Variants in GRM4 observed in about 807,000 individuals in gnomAD.
GRM4 encodes metabotropic glutamate receptor 4.
In GRM4, 28 loss-of-function variants were observed where a neutral mutation model predicts 81.7. That is an observed-to-expected ratio of 0.34 (90% CI 0.25 to 0.47). The LOEUF (loss-of-function observed/expected upper bound fraction) is 0.47. GRM4 is among the 20% of genes least tolerant of loss of function. The pLI, the probability that GRM4 is intolerant of heterozygous loss-of-function variation, is 1.00. For missense variants in GRM4, 948 were observed against 1,290.0 expected (o/e 0.73, Z 4.06); for synonymous variants, 488 against 528.8 (o/e 0.92, Z 1.06).
chr6:34,111,128 C>T lies in GRM4; in HGVS notation c.520-19029G>A. On this transcript the variant is annotated intron_variant, in intron 2 of 10. Coordinates refer to ENST00000538487, the MANE Select transcript of GRM4 (RefSeq NM_000841.4). The surrounding 1 kb of genome is among the most constrained non-coding windows in gnomAD (Gnocchi z 5.1). ...CACAGGCCACATACACACACACACA[C>T]ACACACACACACACACACACACACA... The T allele has an allele frequency of 6.2e-6, 1 of 161,630 alleles. No individual in the cohort carries two copies. The highest frequency in any genetic ancestry group is 1.8e-4 in the South Asian group (1 of 5,526). 10.0% of individuals were successfully genotyped at this position (161,630 alleles called of 1,614,324 possible).
In GRM4 at chr6:34,059,303, A is replaced by G. The variant is rs1581632380; in HGVS notation, c.873-175T>C. ...TGGATTCCCCCTACCCGCTGCCCTC[A>G]CCTGCTCATAGACCCATGGCTACCG... On this transcript the variant is annotated intron_variant, in intron 4 of 10. Transcript: ENST00000538487. This position sits in a 1 kb window ranked among gnomAD's most constrained non-coding sequence, Gnocchi z 5.7. The G allele has an allele frequency of 7.8e-6, 5 of 640,044 alleles. No individual in the cohort carries two copies. The South Asian group carries it at 9.3e-5, about 12-fold the overall frequency. 39.6% of individuals were successfully genotyped at this position (640,044 alleles called of 1,614,324 possible).
At chr6:34,103,402 GGA>G (rs1275762337) in intron 2 of GRM4, among the ~76,000 whole-genome samples, 2 of 152,222 alleles carry the variant, frequency 1.3e-5, no homozygotes, top group African/African-American at 4.8e-5. Context: ...GGTACGGAGG[GGA>G]GAGCCTCGGC....
chr6:34,101,562 CCAT>C (rs1376303628), intron 2 of GRM4, among the ~76,000 whole-genome samples: 20 of 152,340 alleles, frequency 1.3e-4, no homozygotes, highest in African/African-American at 4.8e-4. Flanking sequence ...AAGGCCGCCC[CCAT>C]CCTGTGGGGC....
intron 3 of GRM4, among the ~76,000 whole-genome samples, chr6:34,073,320 ACC>A (rs1767119342): frequency 6.4e-5 from 9 of 139,620 alleles, no homozygotes; most frequent in East Asian, 2.4e-4. Context: ...ACAGATACAC[ACC>A]ACACACACAC....
chr6:34,059,024 T>A lies in GRM4; in HGVS notation c.977A>T (p.Glu326Val), dbSNP rs1561780862. 3 of 1,613,600 alleles carry A rather than the reference T, an allele frequency of 1.9e-6. No individual in the cohort carries two copies. The highest frequency in any genetic ancestry group is 2.5e-6 in the Non-Finnish European group (3 of 1,179,828). Residue 326 changes from glutamate (E) to valine (V), a missense_variant, in exon 5 of 11, where the codon GAG becomes GTG. Coordinates refer to ENST00000538487, the MANE Select transcript of GRM4 (RefSeq NM_000841.4). The surrounding 1 kb of genome is among the most constrained non-coding windows in gnomAD (Gnocchi z 5.7). ...SKIAPVLHLE[E>V]VAEGAVTILP... ...GATCGTGACAGCACCCTCAGCCACC[T>A]CCTCCAGGTGCAGCACAGGTGCAAT...
intron 6 of GRM4, among the ~76,000 whole-genome samples, chr6:34,051,660 G>A (rs2127455678): frequency 6.6e-6 from 1 of 152,278 alleles, no homozygotes; most frequent in Non-Finnish European, 1.5e-5. Context: ...GGAGGAGGCA[G>A]GCGCTATCTT....
intron 3 of GRM4, among the ~76,000 whole-genome samples, chr6:34,073,814 G>A (rs564651806): frequency 1.6e-4 from 24 of 152,270 alleles, no homozygotes; most frequent in African/African-American, 5.1e-4. Flanking sequence ...CGAGGCCCTA[G>A]CATGCACCAG....
chr6:34,076,534 T>C (rs1412048072), intron 3 of GRM4, among the ~76,000 whole-genome samples: 1 of 152,216 alleles, frequency 6.6e-6, no homozygotes, highest in African/African-American at 2.4e-5. Context: ...AAAATGGGGC[T>C]GCTGGCCCAC....
intron 1 of GRM4, among the ~76,000 whole-genome samples, chr6:34,145,523 C>T (rs924132124): frequency 3.3e-5 from 5 of 152,170 alleles, no homozygotes; most frequent in African/African-American, 4.8e-5. Flanking sequence ...GGGCGCCTGG[C>T]GGCGCCGCAA....
chr6:34,146,479 AG>A (rs1770935043), upstream of GRM4, among the ~76,000 whole-genome samples: 1 of 152,156 alleles, frequency 6.6e-6, no homozygotes, highest in Non-Finnish European at 1.5e-5. Context: ...CCCTTCCCAG[AG>A]GGGGCTTGAA....
chr6:34,134,043 T>C (rs775701023), intron 1 of GRM4, among the ~76,000 whole-genome samples, 184 bp from the exon 2 acceptor site: 1 of 152,112 alleles, frequency 6.6e-6, no homozygotes, highest in Non-Finnish European at 1.5e-5. Flanking sequence ...TGGGAGAGTG[T>C]ATGGCAGAAA....
Position 34,107,445 on chromosome 6 carries a change from A to G in GRM4, c.520-15346T>C, listed in dbSNP as rs140162268. On this transcript the variant is annotated intron_variant, in intron 2 of 10. Coordinates refer to ENST00000538487, the MANE Select transcript of GRM4 (RefSeq NM_000841.4). ...GCCGTATGCTCGTATTGCTGAGTCC[A>G]GAAGGAGAGCTGGCCTCTCACCGGA... is the stretch of plus-strand genomic sequence containing the variant. 1.0e-3 allele frequency among the ~76,000 whole-genome samples: 154 copies of G among 152,036 alleles called. 1 individual carries two copies. Among genetic ancestry groups the G allele is most frequent in the East Asian group, 9.6e-3 (49 of 5,130 alleles).
chr6:34,053,185 CAG>C (rs1168337664), intron 6 of GRM4, among the ~76,000 whole-genome samples: 3 of 152,216 alleles, frequency 2.0e-5, no homozygotes, highest in African/African-American at 7.2e-5. Context: ...AGCTGAGACT[CAG>C]AGAAGTTAGA....
rs754018058 is a variant in GRM4, at chr6:34,040,322, G to A, written c.1370-8C>T. The A allele has an allele frequency of 6.2e-6, 10 of 1,613,478 alleles. No homozygotes were observed. In the Middle Eastern group the frequency reaches 6.6e-4, roughly 107 times the overall value. ...CAGGGTTCCCTGCGATGCCTGTAAG[G>A]GTGGGCGGGTGTCTTTGCAGAGCCT... On this transcript the variant is annotated splice_region_variant and splice_polypyrimidine_tract_variant and intron_variant, in intron 7 of 10. Coordinates refer to ENST00000538487, the MANE Select transcript of GRM4 (RefSeq NM_000841.4).
Position 34,069,220 on chromosome 6 carries a change from CTCCT to C in GRM4, c.737-7196_737-7193del, listed in dbSNP as rs1401590618. The stretch of plus-strand genomic sequence containing the variant: ...CACACACACACGCACGCACACACGG[CTCCT>C]TCCTTCTGACTTCCAAAGCCAGGCC... On this transcript the variant is annotated intron_variant, in intron 3 of 10. Coordinates refer to ENST00000538487, the MANE Select transcript of GRM4 (RefSeq NM_000841.4). The surrounding 1 kb of genome is among the most constrained non-coding windows in gnomAD (Gnocchi z 6.4). Among the ~76,000 whole-genome samples, 57 of 150,196 alleles carry C rather than the reference CTCCT, an allele frequency of 3.8e-4. No individual in the cohort carries two copies. The highest frequency in any genetic ancestry group is 5.0e-4 in the Non-Finnish European group (34 of 67,618).
At chr6:34,132,903 G>A (rs964776038) in intron 2 of GRM4, 75 bp downstream of exon 2, 2 of 1,281,748 alleles carry the variant, frequency 1.6e-6, no homozygotes, top group East Asian at 2.3e-5. Flanking sequence ...GGTCGGCCAG[G>A]CCTGGCACCC....
At chr6:34,058,471 G>T (rs1230652199) in intron 5 of GRM4, among the ~76,000 whole-genome samples, 1 of 152,154 alleles carries the variant, frequency 6.6e-6, no homozygotes, top group East Asian at 1.9e-4. Context: ...GGTGAGGACT[G>T]CCAGGTCCCT....
In GRM4 at chr6:34,061,957, G is replaced by A. The variant is rs781055557; in HGVS notation, c.808C>T (p.Arg270Cys). 1.3e-5 allele frequency: 21 copies of A among 1,613,944 alleles called. No individual in the cohort carries two copies. The highest frequency in any genetic ancestry group is 3.3e-5 in the Admixed American group (2 of 60,014). The change falls in exon 4 of 11, where the codon CGC becomes TGC. Residue 270 changes from arginine (R) to cysteine (C), a missense_variant. Coordinates refer to ENST00000538487, the MANE Select transcript of GRM4 (RefSeq NM_000841.4). Reference protein sequence around the residue: ...PKAGEFDKIIRRLLETSNARA... With the variant: ...PKAGEFDKIICRLLETSNARA... ...GCGTTCGAAGTCTCCAGGAGGCGGC[G>A]GATGATCTTGTCGAACTCGCCTGCC...
chr6:34,142,678 T>G (rs1770740046), intron 1 of GRM4, among the ~76,000 whole-genome samples: 1 of 152,170 alleles, frequency 6.6e-6, no homozygotes, highest in South Asian at 2.1e-4. Flanking sequence ...AGCACACTGC[T>G]CAGTTCCAGT....
Sources: allele counts gnomAD v4.1 joint callset (sites outside exome capture counted in the v4.1 genomes callset), GRCh38; gene constraint gnomAD v4.1.1; non-coding constraint Gnocchi (gnomAD v3.1); transcripts MANE v1.5; gene names NCBI Gene and HGNC (gene_info 2026-07-23, HGNC 2026-07-21).